PKN3: variants seen among roughly 807,000 people sequenced by gnomAD.
PKN3 encodes protein kinase N3.
A neutral mutation model predicts 113.1 loss-of-function variants in PKN3; 91 were observed. The ratio of observed to expected loss-of-function variants is 0.80; its 90% CI spans 0.68 to 0.96. PKN3 has a LOEUF of 0.96. Ranked by LOEUF, PKN3 falls within the 40% of genes least tolerant of loss-of-function variation. PKN3 has a pLI of 0.00. For missense variants in PKN3, 1,052 were observed against 1,202.2 expected, an observed-to-expected ratio of 0.88 and a Z score of 1.85; for synonymous variants, 467 against 499.0, an observed-to-expected ratio of 0.94 and a Z score of 0.85.
chr9:128,719,191 C>T (rs571966668), intron 18 of PKN3, among the ~76,000 whole-genome samples: 5 of 150,038 alleles, frequency 3.3e-5, no homozygotes, highest in African/African-American at 9.8e-5. Flanking sequence ...CCACTGCGCC[C>T]GGCTTCTTTT....
chr9:128,711,228 A>G (rs1295446030), intron 6 of PKN3, among the ~76,000 whole-genome samples: 1 of 151,574 alleles, frequency 6.6e-6, no homozygotes, highest in Non-Finnish European at 1.5e-5. Context: ...CTGGTCTCGA[A>G]CTTCCGACCT....
At chr9:128,705,070 G>A (rs1168676726) in intron 1 of PKN3, among the ~76,000 whole-genome samples, 1 of 152,112 alleles carries the variant, frequency 6.6e-6, no homozygotes, top group East Asian at 1.9e-4. Flanking sequence ...TGTCCCCCCC[G>A]CCACATCCTT....
In PKN3 at chr9:128,715,315, G is replaced by C; in HGVS notation, c.1717-54G>C. On this transcript the variant is annotated intron_variant, in intron 14 of 21. Coordinates refer to ENST00000291906, the MANE Select transcript of PKN3 (RefSeq NM_013355.5). The surrounding 1 kb of genome is among the most constrained non-coding windows in gnomAD (Gnocchi z 4.1). ...CCGGGAGGACCTGATCTGTGGGGGC[G>C]GTAAAGGCTCCCTGGTCTGGCCCAC... The C allele has an allele frequency of 6.2e-7, 1 of 1,604,218 alleles. No homozygotes were observed. Among genetic ancestry groups the C allele is most frequent in the Non-Finnish European group, 8.5e-7 (1 of 1,171,282 alleles).
chr9:128,703,429 G>A (rs1043617670), intron 1 of PKN3: 8 of 985,322 alleles, frequency 8.1e-6, no homozygotes, highest in Non-Finnish European at 9.6e-6. Flanking sequence ...GCGTAGATGA[G>A]AGGGGAGCGG....
At chr9:128,703,585 G>A (rs1248455214) in intron 1 of PKN3, 120 of 985,338 alleles carry the variant, frequency 1.2e-4, no homozygotes, top group Non-Finnish European at 1.4e-4. Flanking sequence ...GGAGGGAGAG[G>A]TGGTGTCCTG....
rs1286366783 is a variant in PKN3 at position 128,713,163 on chromosome 9, A to C, written c.947A>C (p.Lys316Thr). The C allele has an allele frequency of 9.9e-6, 16 of 1,610,528 alleles. No individual in the cohort carries two copies. The highest frequency in any genetic ancestry group is 1.4e-5 in the Non-Finnish European group (16 of 1,177,874). The change falls in exon 7 of 22, where the codon AAG becomes ACG. Residue 316 changes from lysine (K) to threonine (T), a missense_variant. This residue lies in a region of PKN3 where 719 missense variants were observed against 759.4 expected (regional missense o/e 0.95). Coordinates refer to ENST00000291906, the MANE Select transcript of PKN3 (RefSeq NM_013355.5). ...SSPSEGWLRT[K>T]AKHQRGRGEL... ...CCCTCCGAGGGCTGGCTTCGGACCAAGGCCAAGCACCAGCGTGGCCGAGGC... is the reference window on the plus strand; with the variant it reads ...CCCTCCGAGGGCTGGCTTCGGACCACGGCCAAGCACCAGCGTGGCCGAGGC...
rs140406507 is a variant in PKN3 at position 128,718,612 on chromosome 9, A to G, written c.2112A>G (p.Gly704=). ...AQGFLKIADF[G]LCKEGIGFGD... is the part of the protein sequence containing the mutation. ...GATTCCTGAAGATCGCAGACTTTGGACTCTGCAAGGAAGGTGGGGGCCGCC... is the reference window on the plus strand; with the variant it reads ...GATTCCTGAAGATCGCAGACTTTGGGCTCTGCAAGGAAGGTGGGGGCCGCC... The change falls in exon 18 of 22, where the codon GGA becomes GGG. Residue 704 remains glycine, a synonymous_variant. Coordinates refer to ENST00000291906, the MANE Select transcript of PKN3 (RefSeq NM_013355.5). 1.9e-5 allele frequency: 30 copies of G among 1,613,646 alleles called. No homozygotes were observed. Among genetic ancestry groups the G allele is most frequent in the Non-Finnish European group, 2.5e-5 (30 of 1,179,964 alleles).
chr9:128,708,221 A>C (rs956915427), intron 6 of PKN3, among the ~76,000 whole-genome samples: 4 of 151,826 alleles, frequency 2.6e-5, no homozygotes, highest in Non-Finnish European at 5.9e-5. Flanking sequence ...TCTCTACTAA[A>C]AATACAAAAA....
At chr9:128,704,238 G>A (rs1861942187) in intron 1 of PKN3, 1 of 741,544 alleles carries the variant, frequency 1.3e-6, no homozygotes, top group Non-Finnish European at 1.6e-6. Context: ...TGGAAAGGAG[G>A]TGTTCCTGTT....
chr9:128,718,961 T>TCTCGGCTCACTGCAGC lies in PKN3; in HGVS notation c.2125+340_2125+355dup, dbSNP rs1400124397. 7.3e-5 allele frequency among the ~76,000 whole-genome samples: 11 copies of TCTCGGCTCACTGCAGC among 149,674 alleles called. No individual in the cohort carries two copies. The Admixed American group carries it at 7.5e-4, about 10-fold the overall frequency. Reference sequence around the variant, plus strand: ...CCCAGGATGCAATGCAGTGGTGCAGTCTCGGCTCACTGCAGCCTCCACCTA... The same window carrying TCTCGGCTCACTGCAGC: ...CCCAGGATGCAATGCAGTGGTGCAGTCTCGGCTCACTGCAGCCTCGGCTCACTGCAGCCTCCACCTA... On this transcript the variant is annotated intron_variant, in intron 18 of 21. Transcript: ENST00000291906.
chr9:128,707,442 CT>C (rs1450924730), intron 6 of PKN3, 37 bp downstream of exon 6: 1 of 1,541,642 alleles, frequency 6.5e-7, no homozygotes. Context: ...AGCTCTCCTT[CT>C]TTTTGGGGGG....
chr9:128,704,182 G>A (rs953737195), intron 1 of PKN3: 2 of 979,886 alleles, frequency 2.0e-6, no homozygotes, highest in African/African-American at 1.7e-5. Context: ...TGGGTTACCC[G>A]GCCTGAGGTC....
At position 128,719,992 on chromosome 9, in the gene PKN3, T is replaced by G; in HGVS notation, c.2351T>G (p.Val784Gly). ...GCCCCCTACCCCGGCTTTCTGTCGGTGCAAGGGCTTGAGTTCATTCAGAAG... is the reference window on the plus strand; with the variant it reads ...GCCCCCTACCCCGGCTTTCTGTCGGGGCAAGGGCTTGAGTTCATTCAGAAG... ...MDAPYPGFLS[V>G]QGLEFIQKLL... Residue 784 changes from valine to glycine, a missense_variant, in exon 20 of 22, where the codon GTG becomes GGG. Around this residue, in one of 2 missense-constraint regions of PKN3, gnomAD observed 333 missense variants for 442.8 expected, o/e 0.75. Transcript: ENST00000291906. 6.2e-7 allele frequency: 1 copy of G among 1,614,002 alleles called. No individual in the cohort carries two copies. The highest frequency in any genetic ancestry group is 8.5e-7 in the Non-Finnish European group (1 of 1,179,928).
At chr9:128,703,506 T>G (rs1326778471) in intron 1 of PKN3, 1 of 985,040 alleles carries the variant, frequency 1.0e-6, no homozygotes, top group African/African-American at 1.7e-5. Flanking sequence ...GGGGGCTGGG[T>G]TTCCTGCCAG....
Position 128,706,918 on chromosome 9 carries a change from G to A in PKN3, c.546G>A (p.Glu182=). The part of the protein sequence containing the change: ...PEPGPELLAE[E]LQHRLHVEAA... ...CAGGGCCTGAGCTGCTGGCGGAGGA[G>A]CTACAGCATCGACTGCACGTTGAGG... The change falls in exon 5 of 22, where the codon GAG becomes GAA. Residue 182 remains glutamate, a synonymous_variant. Coordinates refer to ENST00000291906, the MANE Select transcript of PKN3 (RefSeq NM_013355.5). 4 of 1,614,204 alleles carry A rather than the reference G, an allele frequency of 2.5e-6. No individual in the cohort carries two copies. Among genetic ancestry groups the A allele is most frequent in the Non-Finnish European group, 3.4e-6 (4 of 1,180,042 alleles).
At chr9:128,710,399 C>G (rs145844750) in intron 6 of PKN3, among the ~76,000 whole-genome samples, 191 of 152,104 alleles carry the variant, frequency 1.3e-3, no homozygotes, top group Non-Finnish European at 2.4e-3. Flanking sequence ...ACAGGGCCGA[C>G]TGACCCCATT....
rs1862099920 is a variant in PKN3, at chr9:128,708,964, C to T, written c.835+1559C>T. 2.0e-5 allele frequency among the ~76,000 whole-genome samples: 3 copies of T among 151,708 alleles called. No individual in the cohort carries two copies. In the South Asian group the frequency reaches 6.2e-4, roughly 31 times the overall value. ...TCCAGGAGTTTGAAACCAGCCTGGG[C>T]AACATGACAAAGCTCCATCTCTACA... is the stretch of plus-strand genomic sequence containing the variant. On this transcript the variant is annotated intron_variant, in intron 6 of 21. Coordinates refer to ENST00000291906, the MANE Select transcript of PKN3 (RefSeq NM_013355.5).
intron 1 of PKN3, chr9:128,703,380 G>T: frequency 1.0e-6 from 1 of 985,448 alleles, no homozygotes; most frequent in Non-Finnish European, 1.2e-6. Context: ...GCTTGGCAGT[G>T]GCAGGAGTCC....
intron 16 of PKN3, among the ~76,000 whole-genome samples, chr9:128,717,999 C>T (rs908143369): frequency 6.6e-6 from 1 of 151,250 alleles, no homozygotes; most frequent in Non-Finnish European, 1.5e-5. Context: ...CGCACCGCTG[C>T]ACTGCAGCCT....
Sources: allele counts gnomAD v4.1 joint callset (sites outside exome capture counted in the v4.1 genomes callset), GRCh38; gene constraint gnomAD v4.1.1; regional missense constraint gnomAD v4.1.1; non-coding constraint Gnocchi (gnomAD v3.1); transcripts MANE v1.5; gene names NCBI Gene and HGNC (gene_info 2026-07-23, HGNC 2026-07-21).